The following KMT2E variants were observed in gnomAD, a reference collection of about 807,000 sequenced individuals.
The protein encoded by KMT2E is lysine methyltransferase 2E (inactive), also known as histone reader KMT2E.
Under a neutral mutation model 184.6 loss-of-function variants are expected in KMT2E, and 30 were observed. The ratio of observed to expected loss-of-function variants is 0.16; its 90% CI spans 0.12 to 0.22. KMT2E has a LOEUF of 0.22. KMT2E is among the 10% of genes least tolerant of loss of function. KMT2E has a pLI of 1.00. For missense variants in KMT2E, 2,023 were observed against 2,237.4 expected, an observed-to-expected ratio of 0.90 and a Z score of 1.93; for synonymous variants, 815 against 776.5, an observed-to-expected ratio of 1.05 and a Z score of -0.82.
intron 3 of KMT2E, among the ~76,000 whole-genome samples, chr7:105,059,978 G>GTTGTTTTTTTTTT (rs1796734822): frequency 3.9e-5 from 2 of 51,798 alleles, no homozygotes; most frequent in African/African-American, 5.8e-5. Flanking sequence ...TCTTGTTGTT[G>GTTGTTTTTTTTTT]TTTTTTTTTT....
intron 1 of KMT2E, among the ~76,000 whole-genome samples, chr7:105,027,649 AT>A (rs775780702): frequency 1.1e-4 from 17 of 152,174 alleles, no homozygotes; most frequent in Non-Finnish European, 1.9e-4. Flanking sequence ...CTCTAGTTGT[AT>A]TATACTAGTC....
chr7:105,014,369 C>G lies in KMT2E; in HGVS notation c.-355C>G, dbSNP rs143067491. The stretch of plus-strand genomic sequence containing the variant: ...TGCCCCCTCCCCTACTCCTCGGTTC[C>G]TGGTGAAGAGGCTGCGCGCTGCTGT... On this transcript the variant is annotated 5_prime_UTR_variant, in exon 1 of 27. Transcript: ENST00000311117. 6.5e-6 allele frequency: 1 copy of G among 154,610 alleles called. No individual in the cohort carries two copies. The highest frequency in any genetic ancestry group is 2.4e-5 in the African/African-American group (1 of 41,448). The allele number at this position is 154,610 out of a possible 1,614,324, so 9.6% of individuals were successfully genotyped here. A position where few individuals can be genotyped will look rare whatever the true frequency, so the allele number is the denominator to read the frequency against.
intron 6 of KMT2E, among the ~76,000 whole-genome samples, chr7:105,071,582 G>GTATATATATATATATA (rs1554392567): frequency 4.0e-4 from 14 of 34,932 alleles, no homozygotes; most frequent in East Asian, 1.1e-3. Context: ...ATGTGTGTGT[G>GTATATATATATATATA]TATATATATA....
chr7:105,032,667 A>G (rs1050710325), intron 1 of KMT2E, among the ~76,000 whole-genome samples: 3 of 152,010 alleles, frequency 2.0e-5, no homozygotes, highest in African/African-American at 7.2e-5. Flanking sequence ...ACCCCTGGCT[A>G]ATTTTTAAAA....
intron 15 of KMT2E, among the ~76,000 whole-genome samples, chr7:105,092,802 T>A (rs1207856376): frequency 1.3e-5 from 2 of 152,212 alleles, no homozygotes; most frequent in African/African-American, 4.8e-5. Flanking sequence ...TTTAGAGTAT[T>A]ACTTATTTCT....
chr7:105,110,135 G>T, intron 23 of KMT2E, 145 bp from the exon 24 acceptor site: 1 of 686,668 alleles, frequency 1.5e-6, no homozygotes, highest in Non-Finnish European at 2.5e-6. Context: ...GCCCTGCCAA[G>T]ATTAACTATT....
At chr7:105,071,430 G>A (rs1383752155) in intron 6 of KMT2E, among the ~76,000 whole-genome samples, 2 of 148,710 alleles carry the variant, frequency 1.3e-5, no homozygotes, top group Admixed American at 6.7e-5. Flanking sequence ...GCAGTGGTAC[G>A]ATCTCGGCTC....
Position 105,070,877 on chromosome 7 carries a change from AAGT to A in KMT2E, c.498-2740_498-2738del, listed in dbSNP as rs1356767998. On this transcript the variant is annotated intron_variant, in intron 6 of 26. Coordinates refer to ENST00000311117, the MANE Select transcript of KMT2E (RefSeq NM_182931.3). ...ATTATATACTTTATAATTATGTAAG[AAGT>A]ATTCTATCATTCTAAACTCAAATAT... is the stretch of plus-strand genomic sequence containing the variant. 2.0e-5 allele frequency among the ~76,000 whole-genome samples: 3 copies of A among 152,262 alleles called. No homozygotes were observed. The East Asian group carries it at 5.8e-4, about 29-fold the overall frequency.
chr7:105,081,892 T>TGATAGATAGA, intron 13 of KMT2E, 95 bp downstream of exon 13: 7 of 590,466 alleles, frequency 1.2e-5, no homozygotes, highest in Non-Finnish European at 1.8e-5. Flanking sequence ...TTATAGCTTT[T>TGATAGATAGA]TATTTTTATC....
At position 105,105,883 on chromosome 7, in the gene KMT2E, G is replaced by A. The variant is rs1269713688; in HGVS notation, c.2476G>A (p.Glu826Lys). The stretch of plus-strand genomic sequence containing the variant: ...GCGATGGTTGAAACAAGCTCTGGAA[G>A]AAGAAAATTCAGCAATTTTACATAG... ...KKRWLKQALEEENSAILHRFN... is the reference protein window; with the variant it reads ...KKRWLKQALEKENSAILHRFN... Residue 826 changes from glutamate (E) to lysine (K), a missense_variant, in exon 19 of 27, where the codon GAA becomes AAA. Physicochemically the swap from Glu to Lys is moderately conservative, Grantham distance 56. Coordinates refer to ENST00000311117, the MANE Select transcript of KMT2E (RefSeq NM_182931.3). 6.2e-7 allele frequency: 1 copy of A among 1,612,846 alleles called. No individual in the cohort carries two copies. Among genetic ancestry groups the A allele is most frequent in the Admixed American group, 1.7e-5 (1 of 59,702 alleles).
chr7:105,082,291 T>C (rs1483070288), intron 13 of KMT2E, among the ~76,000 whole-genome samples: 1 of 152,146 alleles, frequency 6.6e-6, no homozygotes, highest in African/African-American at 2.4e-5. Flanking sequence ...CTCAGTACAG[T>C]TGGCCCTTGC....
At chr7:105,048,341 T>A (rs183858214) in intron 3 of KMT2E, among the ~76,000 whole-genome samples, 11 of 152,116 alleles carry the variant, frequency 7.2e-5, no homozygotes, top group African/African-American at 2.4e-4. Context: ...CTGGCCAAAA[T>A]CCTCATTTTT....
chr7:105,066,506 A>G (rs958569055), intron 5 of KMT2E, among the ~76,000 whole-genome samples: 2 of 152,158 alleles, frequency 1.3e-5, no homozygotes, highest in South Asian at 2.1e-4. Context: ...TTAAAATTGT[A>G]TCTGCTTTAA....
chr7:105,054,514 A>ATCTG (rs975762973), intron 3 of KMT2E, among the ~76,000 whole-genome samples: 82 of 137,562 alleles, frequency 6.0e-4, no homozygotes, highest in African/African-American at 1.1e-3. Flanking sequence ...CTATCTATCT[A>ATCTG]TCTGTCTGTC....
At chr7:105,108,312 A>C (rs897051027) in intron 22 of KMT2E, among the ~76,000 whole-genome samples, 2 of 152,182 alleles carry the variant, frequency 1.3e-5, no homozygotes, top group Non-Finnish European at 2.9e-5. Context: ...TTCCTCATCT[A>C]TAATATCTAT....
intron 3 of KMT2E, among the ~76,000 whole-genome samples, chr7:105,053,048 G>T (rs530675966): frequency 4.2e-4 from 64 of 152,260 alleles, no homozygotes; most frequent in African/African-American, 1.4e-3. Flanking sequence ...TACAGCACCT[G>T]ACGGTGCTGT....
At chr7:105,030,743 A>G (rs1180849290) in intron 1 of KMT2E, among the ~76,000 whole-genome samples, 1 of 152,168 alleles carries the variant, frequency 6.6e-6, no homozygotes, top group Non-Finnish European at 1.5e-5. Flanking sequence ...TTCTACTCCT[A>G]TCCCCAGGTA....
rs564586134 is a variant in KMT2E, at chr7:105,017,669, A to T, written c.-189+3134A>T. Among the ~76,000 whole-genome samples, 7 of 152,288 alleles carry T rather than the reference A, an allele frequency of 4.6e-5. No individual in the cohort carries two copies. In the East Asian group the frequency reaches 1.3e-3, roughly 29 times the overall value. On this transcript the variant is annotated intron_variant, in intron 1 of 26. Transcript: ENST00000311117. ...AGAATTTGGTTCCTTGGGGGAAACT[A>T]GTCAAATGGTCTTTGTTCTAGGATA...
chr7:105,113,425 T>G lies in KMT2E; in HGVS notation c.*92T>G, dbSNP rs533202126. On this transcript the variant is annotated 3_prime_UTR_variant, in exon 27 of 27. Coordinates refer to ENST00000311117, the MANE Select transcript of KMT2E (RefSeq NM_182931.3). ...TAAGGTACTTTTTAAAGCTTGTACA[T>G]GAACCTTTGTATAAAAAACACCAGT... is the stretch of plus-strand genomic sequence containing the variant. 1 of 1,337,054 alleles carries G rather than the reference T, an allele frequency of 7.5e-7. No individual in the cohort carries two copies. Among genetic ancestry groups the G allele is most frequent in the African/African-American group, 1.5e-5 (1 of 67,796 alleles). The allele number at this position is 1,337,054 out of a possible 1,614,324, so 82.8% of individuals were successfully genotyped here.
Sources: allele counts gnomAD v4.1 joint callset (sites outside exome capture counted in the v4.1 genomes callset), GRCh38; gene constraint gnomAD v4.1.1; transcripts MANE v1.5; gene names NCBI Gene and HGNC (gene_info 2026-07-23, HGNC 2026-07-21).